Variants in PIEZO2 observed in about 807,000 individuals in gnomAD.
PIEZO2 encodes the protein piezo-type mechanosensitive ion channel component 2.
PIEZO2 carries 172 observed loss-of-function variants against 337.3 expected under a neutral mutation model. The ratio of observed to expected loss-of-function variants is 0.51; its 90% CI spans 0.45 to 0.58. The LOEUF is 0.58. Among genes scored for constraint, PIEZO2 ranks in the 20% least tolerant of loss-of-function variants. The pLI, the probability that PIEZO2 is intolerant of heterozygous loss-of-function variation, is 0.00. For missense variants in PIEZO2, 3,028 were observed against 3,391.3 expected, an observed-to-expected ratio of 0.89 and a Z score of 2.66; for synonymous variants, 1,251 against 1,228.5, an observed-to-expected ratio of 1.02 and a Z score of -0.38.
rs943593439 is a variant in PIEZO2 at position 10,707,445 on chromosome 18, G to T, written c.5588+830C>A. Among the ~76,000 whole-genome samples the T allele has an allele frequency of 1.3e-5, 2 of 152,038 alleles. No homozygotes were observed. The highest frequency in any genetic ancestry group is 4.8e-5 in the African/African-American group (2 of 41,416). On this transcript the variant is annotated intron_variant, in intron 40 of 55. Transcript: ENST00000674853. This position sits in a 1 kb window ranked among gnomAD's most constrained non-coding sequence, Gnocchi z 4.2. ...ACTGCAGGGATGCACCGAGATACAC[G>T]GCTGCCAGTGAAAAGAAGATGCCCT...
intron 4 of PIEZO2, among the ~76,000 whole-genome samples, chr18:10,881,762 A>G (rs1166742879): frequency 6.6e-6 from 1 of 152,184 alleles, no homozygotes; most frequent in African/African-American, 2.4e-5. Context: ...ACTCCAAAAC[A>G]ATAAAACTCA....
intron 1 of PIEZO2, among the ~76,000 whole-genome samples, chr18:11,071,288 G>T (rs8090173): frequency 1.3e-5 from 2 of 151,964 alleles, no homozygotes. Context: ...ACACAAGCTC[G>T]GATTCTCTTT....
At position 10,909,080 on chromosome 18, in the gene PIEZO2, G is replaced by C. The variant is rs147576617; in HGVS notation, c.329+2106C>G. Among the ~76,000 whole-genome samples the C allele has an allele frequency of 2.1e-3, 319 of 152,318 alleles. 4 individuals are homozygous for C. Among genetic ancestry groups the C allele is most frequent in the Middle Eastern group, 0.017 (5 of 294 alleles). On this transcript the variant is annotated intron_variant, in intron 4 of 55. Transcript: ENST00000674853. ...GGAAAGGCTGAGCCAAGGAGAAACA[G>C]GGGATGAGCCTGGGCCATCTAACTG...
At chr18:10,800,510 A>G in intron 10 of PIEZO2, 35 bp from the exon 11 acceptor site, 1 of 1,503,746 alleles carries the variant, frequency 6.7e-7, no homozygotes, top group African/African-American at 1.4e-5. Context: ...CAACTGTTAC[A>G]GCAGCTCTGG....
At chr18:10,960,970 A>G (rs923245873) in intron 3 of PIEZO2, among the ~76,000 whole-genome samples, 2 of 152,064 alleles carry the variant, frequency 1.3e-5, no homozygotes, top group Non-Finnish European at 2.9e-5. Context: ...TGAGGTCAGG[A>G]GATCGAGACC....
chr18:11,074,839 C>G (rs56333741), intron 1 of PIEZO2, among the ~76,000 whole-genome samples: 2 of 152,172 alleles, frequency 1.3e-5, no homozygotes, highest in Non-Finnish European at 2.9e-5. Flanking sequence ...GAGAGGTTTA[C>G]GCACACTTTA....
Position 10,794,838 on chromosome 18 carries a change from T to C in PIEZO2, c.1692A>G (p.Glu564=), listed in dbSNP as rs1760173183. ...CTGGAACTTTTTTAATTTCAGGAAG[T>C]TCAAAACTCCATATATACTGTAATA... The part of the protein sequence containing the change: ...LLILQYIWSF[E]LPEIKKVPGF... Residue 564 remains glutamate (E), a synonymous_variant, in exon 13 of 56, where the codon GAA becomes GAG. Coordinates refer to ENST00000674853, the MANE Select transcript of PIEZO2 (RefSeq NM_001378183.1). This position sits in a 1 kb window ranked among gnomAD's most constrained non-coding sequence, Gnocchi z 6.6. 2.6e-6 allele frequency: 4 copies of C among 1,536,914 alleles called. No homozygotes were observed. In the Admixed American group the frequency reaches 7.8e-5, roughly 30 times the overall value.
At chr18:11,108,606 T>G in intron 1 of PIEZO2, among the ~76,000 whole-genome samples, 1 of 76,968 alleles carries the variant, frequency 1.3e-5, no homozygotes, top group African/African-American at 5.4e-5. Flanking sequence ...AGAGCCAGAC[T>G]CCCTCTCAAA....
rs1283055310 is a variant in PIEZO2, at chr18:10,898,314, G to A, written c.329+12872C>T. On this transcript the variant is annotated intron_variant, in intron 4 of 55. Transcript: ENST00000674853. The stretch of plus-strand genomic sequence containing the variant: ...CAGGTGCCTGTAGTCCCAGCTACTC[G>A]GGAGGCTGAGGGGGGAGAATGGCGT... Among the ~76,000 whole-genome samples, 14 of 152,100 alleles carry A rather than the reference G, an allele frequency of 9.2e-5. No individual in the cohort carries two copies. In the South Asian group the frequency reaches 1.0e-3, roughly 11 times the overall value.
At chr18:10,720,989 A>T (rs915916318) in intron 36 of PIEZO2, among the ~76,000 whole-genome samples, 6 of 152,218 alleles carry the variant, frequency 3.9e-5, no homozygotes, top group African/African-American at 1.2e-4. Context: ...CTTGGCTACA[A>T]GAAATCCTTT....
intron 4 of PIEZO2, among the ~76,000 whole-genome samples, chr18:10,875,838 C>T (rs7242639): frequency 0.44 from 66,570 of 152,010 alleles, 15,767 homozygotes; most frequent in African/African-American, 0.64. Context: ...TTTTATAACA[C>T]ACATATATTA....
At chr18:11,089,087 G>C (rs2038992978) in intron 1 of PIEZO2, among the ~76,000 whole-genome samples, 1 of 152,136 alleles carries the variant, frequency 6.6e-6, no homozygotes, top group Non-Finnish European at 1.5e-5. Flanking sequence ...TTACTAGTCA[G>C]GGGTCCTTAC....
At chr18:10,997,722 GA>G (rs1300078686) in intron 2 of PIEZO2, among the ~76,000 whole-genome samples, 20 of 152,104 alleles carry the variant, frequency 1.3e-4, no homozygotes, top group African/African-American at 4.6e-4. Flanking sequence ...TACCCCATCT[GA>G]AGAACAGAGA....
intron 36 of PIEZO2, among the ~76,000 whole-genome samples, chr18:10,719,953 G>C (rs1418169046): frequency 1.3e-5 from 2 of 152,030 alleles, no homozygotes; most frequent in Non-Finnish European, 2.9e-5. Context: ...ACCCAGGGAT[G>C]AGGCTAGAAC....
At chr18:11,010,999 AT>A (rs1291191573) in intron 2 of PIEZO2, among the ~76,000 whole-genome samples, 2 of 152,210 alleles carry the variant, frequency 1.3e-5, no homozygotes, top group Non-Finnish European at 2.9e-5. Context: ...TTCATTGTAC[AT>A]TTTCAAAGCA....
In PIEZO2 at chr18:11,143,358, C is replaced by A. The variant is rs1356288361; in HGVS notation, c.64+5167G>T. On this transcript the variant is annotated intron_variant, in intron 1 of 55. Coordinates refer to ENST00000674853, the MANE Select transcript of PIEZO2 (RefSeq NM_001378183.1). The surrounding 1 kb of genome is among the most constrained non-coding windows in gnomAD (Gnocchi z 4.9). ...TTACTACATAACTTCACATACAATT[C>A]ACTGTTAGTAGCACAAGAACCCAAA... Among the ~76,000 whole-genome samples, 1 of 152,116 alleles carries A rather than the reference C, an allele frequency of 6.6e-6. No individual in the cohort carries two copies. The highest frequency in any genetic ancestry group is 6.5e-5 in the Admixed American group (1 of 15,274).
Position 10,837,478 on chromosome 18 carries a change from C to T in PIEZO2, c.917+17875G>A, listed in dbSNP as rs1297895573. On this transcript the variant is annotated intron_variant, in intron 7 of 55. Transcript: ENST00000674853. The surrounding 1 kb of genome is among the most constrained non-coding windows in gnomAD (Gnocchi z 4.4). ...ATGGGGGTAATGAGGATGACCCATC[C>T]TTACCACCATGCACATCCTTTAGAA... 2.0e-5 allele frequency among the ~76,000 whole-genome samples: 3 copies of T among 152,146 alleles called. No homozygotes were observed. Among genetic ancestry groups the T allele is most frequent in the Non-Finnish European group, 4.4e-5 (3 of 68,028 alleles).
intron 49 of PIEZO2, among the ~76,000 whole-genome samples, chr18:10,688,501 G>A (rs1178489341): frequency 6.6e-6 from 1 of 152,124 alleles, no homozygotes; most frequent in Non-Finnish European, 1.5e-5. Context: ...TAGGGCAGAG[G>A]TTTCATAAGT....
chr18:11,036,772 C>A (rs951224081), intron 2 of PIEZO2, among the ~76,000 whole-genome samples: 2 of 152,034 alleles, frequency 1.3e-5, no homozygotes. Context: ...TTGATATCTC[C>A]TTGATACTGA....
Sources: allele counts gnomAD v4.1 joint callset (sites outside exome capture counted in the v4.1 genomes callset), GRCh38; gene constraint gnomAD v4.1.1; non-coding constraint Gnocchi (gnomAD v3.1); transcripts MANE v1.5; gene names NCBI Gene and HGNC (gene_info 2026-07-23, HGNC 2026-07-21).